The following YPEL1 variants were observed in gnomAD, a reference collection of about 807,000 sequenced individuals.
YPEL1 encodes the protein yippee like 1.
YPEL1 carries 7 observed loss-of-function variants against 17.3 expected under a neutral mutation model. The observed-to-expected ratio is 0.40, with a 90% confidence interval of 0.23 to 0.76. The LOEUF is 0.76. YPEL1 is among the 30% of genes least tolerant of loss of function. YPEL1 has a pLI of 0.35. For missense variants in YPEL1, 91 were observed against 155.5 expected, an observed-to-expected ratio of 0.59 and a Z score of 2.21; for synonymous variants, 59 against 59.6, an observed-to-expected ratio of 0.99 and a Z score of 0.05.
At position 21,699,087 on chromosome 22, in the gene YPEL1, A is replaced by C. The variant is rs1204933305; in HGVS notation, c.*2042T>G. On this transcript the variant is annotated 3_prime_UTR_variant, in exon 5 of 5. Transcript: ENST00000339468. ...TTCCAGGCTTGGGCAAAGAGATGGC[A>C]CCCAAAGGCATGCTGTGTGTGGGCA... is the stretch of plus-strand genomic sequence containing the variant. 1 of 152,464 alleles carries C rather than the reference A, an allele frequency of 6.6e-6. No homozygotes were observed. The highest frequency in any genetic ancestry group is 1.5e-5 in the Non-Finnish European group (1 of 68,110). 9.4% of individuals were successfully genotyped at this position (152,464 alleles called of 1,614,324 possible).
chr22:21,732,414 A>C (rs2068396547), intron 1 of YPEL1, among the ~76,000 whole-genome samples: 1 of 152,214 alleles, frequency 6.6e-6, no homozygotes, highest in South Asian at 2.1e-4. Context: ...GTTTGAAAGC[A>C]GGGGGGCTTC....
intron 4 of YPEL1, among the ~76,000 whole-genome samples, chr22:21,701,902 A>G (rs2068070308): frequency 6.6e-6 from 1 of 152,190 alleles, no homozygotes; most frequent in Non-Finnish European, 1.5e-5. Context: ...ACAAAAATCA[A>G]AAACTTAGCT....
chr22:21,701,533 T>TG (rs1276898307), intron 4 of YPEL1, among the ~76,000 whole-genome samples: 1 of 152,246 alleles, frequency 6.6e-6, no homozygotes, highest in African/African-American at 2.4e-5. Flanking sequence ...TGCAATGGTC[T>TG]GGTCATAGCT....
chr22:21,720,237 C>T lies in YPEL1; in HGVS notation c.-164-9329G>A, dbSNP rs1467040960. The stretch of plus-strand genomic sequence containing the variant: ...TTTGTGTGTGAGACAAGGTCTCAGT[C>T]TGTTGCCGAGGCCGGAGTGCAGTGG... On this transcript the variant is annotated intron_variant, in intron 1 of 4. Transcript: ENST00000339468. 6.0e-5 allele frequency among the ~76,000 whole-genome samples: 9 copies of T among 149,182 alleles called. No individual in the cohort carries two copies. The Admixed American group carries it at 6.0e-4, about 10-fold the overall frequency.
intron 2 of YPEL1, 23 bp downstream of exon 2, chr22:21,710,605 A>AT (rs1158944805): frequency 1.3e-6 from 2 of 1,590,768 alleles, no homozygotes; most frequent in East Asian, 2.2e-5. Flanking sequence ...TGTGCCATCA[A>AT]TTTTTTGGCA....
chr22:21,728,185 C>T (rs1377064925), intron 1 of YPEL1, among the ~76,000 whole-genome samples: 1 of 152,078 alleles, frequency 6.6e-6, no homozygotes, highest in Non-Finnish European at 1.5e-5. Flanking sequence ...GTGTCACCTG[C>T]CCGGCCAGCC....
intron 1 of YPEL1, among the ~76,000 whole-genome samples, chr22:21,719,880 AGC>A (rs529866025): frequency 0.01 from 1,556 of 151,780 alleles, 9 homozygotes; most frequent in Non-Finnish European, 0.017. Context: ...CAAAAATTAC[AGC>A]GCACCTGTAA....
intron 1 of YPEL1, among the ~76,000 whole-genome samples, chr22:21,723,645 G>C (rs910030670): frequency 1.3e-5 from 2 of 151,712 alleles, no homozygotes; most frequent in Non-Finnish European, 2.9e-5. Context: ...AGGATTACAG[G>C]TGTGAGCCAC....
chr22:21,702,247 G>A (rs2068073441), intron 4 of YPEL1, among the ~76,000 whole-genome samples: 1 of 152,220 alleles, frequency 6.6e-6, no homozygotes, highest in Non-Finnish European at 1.5e-5. Flanking sequence ...CCATAGAGGG[G>A]AATGCAGTGT....
chr22:21,715,351 G>A (rs2068210631), intron 1 of YPEL1, among the ~76,000 whole-genome samples: 1 of 151,704 alleles, frequency 6.6e-6, no homozygotes, highest in Admixed American at 6.6e-5. Context: ...AATATTAGCT[G>A]GGCGTGGTGG....
intron 1 of YPEL1, among the ~76,000 whole-genome samples, chr22:21,721,157 A>G (rs2068278445): frequency 6.8e-6 from 1 of 146,952 alleles, no homozygotes; most frequent in South Asian, 2.2e-4. Flanking sequence ...AGAGTCTCGC[A>G]CTGTTGCCCA....
Position 21,710,420 on chromosome 22 carries a change from C to T in YPEL1, c.117+208G>A, listed in dbSNP as rs1251302265. On this transcript the variant is annotated intron_variant, in intron 2 of 4. Transcript: ENST00000339468. ...CCAGCTGCCTGGCCCTGGAAAACCG[C>T]CCACCATGCCAGGATCACATCTGAG... 5.2e-6 allele frequency: 3 copies of T among 579,442 alleles called. No homozygotes were observed. In the East Asian group the frequency reaches 8.6e-5, roughly 17 times the overall value. The allele number at this position is 579,442 out of a possible 1,614,324, so 35.9% of individuals were successfully genotyped here.
chr22:21,728,044 C>T (rs2068352620), intron 1 of YPEL1, among the ~76,000 whole-genome samples: 2 of 152,174 alleles, frequency 1.3e-5, no homozygotes, highest in South Asian at 4.1e-4. Context: ...GACAGAATGC[C>T]AGGGAGAGCG....
chr22:21,722,361 A>G (rs536574616), intron 1 of YPEL1, among the ~76,000 whole-genome samples: 53 of 152,316 alleles, frequency 3.5e-4, no homozygotes, highest in African/African-American at 1.3e-3. Flanking sequence ...GGTTGCAGTA[A>G]GCCGAGATCA....
At chr22:21,718,128 CAA>C (rs55677107) in intron 1 of YPEL1, among the ~76,000 whole-genome samples, 24,449 of 130,344 alleles carry the variant, frequency 0.19, 2,156 homozygotes, top group Middle Eastern at 0.23. Flanking sequence ...GACTCTGTCT[CAA>C]AAAAAAAAAA....
Position 21,703,196 on chromosome 22 carries a change from C to A in YPEL1, c.270+174G>T, listed in dbSNP as rs2068082279. ...TATCACTGTCACCCAGGCTGGAGGGCAGTGGTGAGACCATGCCTCACTGGA... is the reference window on the plus strand; with the variant it reads ...TATCACTGTCACCCAGGCTGGAGGGAAGTGGTGAGACCATGCCTCACTGGA... On this transcript the variant is annotated intron_variant, in intron 4 of 4. Coordinates refer to ENST00000339468, the MANE Select transcript of YPEL1 (RefSeq NM_013313.5). The surrounding 1 kb of genome is among the most constrained non-coding windows in gnomAD (Gnocchi z 6.1). Among the ~76,000 whole-genome samples, 1 of 152,140 alleles carries A rather than the reference C, an allele frequency of 6.6e-6. No homozygotes were observed. The highest frequency in any genetic ancestry group is 2.4e-5 in the African/African-American group (1 of 41,420).
intron 1 of YPEL1, among the ~76,000 whole-genome samples, chr22:21,730,260 G>A (rs898686063): frequency 2.0e-5 from 3 of 152,074 alleles, no homozygotes; most frequent in African/African-American, 7.2e-5. Flanking sequence ...GTCTCGCTCT[G>A]TCTCCCAGGC....
intron 1 of YPEL1, among the ~76,000 whole-genome samples, chr22:21,729,657 G>A (rs1312513372): frequency 1.3e-5 from 2 of 152,126 alleles, no homozygotes; most frequent in Non-Finnish European, 2.9e-5. Context: ...TGGTGAAGGT[G>A]CTCTGTGATC....
Position 21,735,753 on chromosome 22 carries a change from T to G in YPEL1, c.-303A>C, listed in dbSNP as rs1440069289. The G allele has an allele frequency of 6.6e-6, 1 of 150,404 alleles. No homozygotes were observed. The highest frequency in any genetic ancestry group is 2.4e-5 in the African/African-American group (1 of 41,106). 9.3% of individuals were successfully genotyped at this position (150,404 alleles called of 1,614,324 possible). ...TAACGCCTAGGCAGGGCGCGAGGCA[T>G]CCTCCCGCCGCCGCCCCGCGGGCCG... On this transcript the variant is annotated 5_prime_UTR_variant, in exon 1 of 5. An upstream start codon of the reference 5' UTR is lost. Transcript: ENST00000339468.
Sources: allele counts gnomAD v4.1 joint callset (sites outside exome capture counted in the v4.1 genomes callset), GRCh38; gene constraint gnomAD v4.1.1; non-coding constraint Gnocchi (gnomAD v3.1); transcripts MANE v1.5; gene names NCBI Gene and HGNC (gene_info 2026-07-23, HGNC 2026-07-21).